POF1B: variants seen among roughly 807,000 people sequenced by gnomAD.
POF1B encodes protein POF1B.
In POF1B, 53 loss-of-function variants were observed where a neutral mutation model predicts 55.3. The observed-to-expected ratio is 0.96, with a 90% CI of 0.77 to 1.20. The LOEUF (loss-of-function observed/expected upper bound fraction) is 1.20, where lower values mean the gene tolerates loss of function less well. Ranked by LOEUF, POF1B falls within the 50% of genes most tolerant of loss-of-function variation. The probability of loss-of-function intolerance (pLI) is 0.00; values close to 1 mark genes in which losing one functional copy is unlikely to be tolerated. For synonymous variants in POF1B, 188 were observed against 148.3 expected, an observed-to-expected ratio of 1.27 and a Z score of -1.95; for missense variants, 478 against 420.5, an observed-to-expected ratio of 1.14 and a Z score of -1.20.
intron 3 of POF1B, among the ~76,000 whole-genome samples, chrX:85,362,247 C>T (rs760015120): frequency 5.4e-5 from 6 of 110,576 alleles, no homozygotes; most frequent in African/African-American, 2.0e-4. Flanking sequence ...CTTTCTCTTA[C>T]CTGTTTGCTC....
At chrX:85,284,112 G>A (rs894680590) in intron 15 of POF1B, among the ~76,000 whole-genome samples, 1 of 110,728 alleles carries the variant, frequency 9.0e-6, no homozygotes, top group Admixed American at 9.7e-5. Flanking sequence ...AGATGTGAAG[G>A]ACCTCTTCAA....
intron 15 of POF1B, among the ~76,000 whole-genome samples, chrX:85,290,002 G>A (rs959620888): frequency 3.6e-5 from 4 of 111,123 alleles, no homozygotes; most frequent in East Asian, 5.7e-4. Flanking sequence ...GAGTACAAGC[G>A]CAGGTTTGTT....
intron 4 of POF1B, among the ~76,000 whole-genome samples, chrX:85,358,584 A>G (rs1386027806): frequency 2.7e-5 from 3 of 111,485 alleles, no homozygotes; most frequent in Non-Finnish European, 5.7e-5. Context: ...CCTTAGATTA[A>G]ATGATGACAA....
intron 3 of POF1B, among the ~76,000 whole-genome samples, chrX:85,367,102 G>A (rs140904836): frequency 0.015 from 1,653 of 110,419 alleles, 35 homozygotes; most frequent in African/African-American, 0.052. Flanking sequence ...CAAACTTAGC[G>A]TGCTTTATGT....
intron 6 of POF1B, among the ~76,000 whole-genome samples, chrX:85,334,398 C>A (rs1008710701): frequency 1.8e-5 from 2 of 111,456 alleles, no homozygotes; most frequent in Non-Finnish European, 3.8e-5. Context: ...GGAAGGAATA[C>A]AGGCTGTGCT....
intron 15 of POF1B, among the ~76,000 whole-genome samples, chrX:85,288,097 A>C (rs764427535): frequency 2.7e-5 from 3 of 111,908 alleles, no homozygotes; most frequent in Non-Finnish European, 5.6e-5. Context: ...ATATTTTTTA[A>C]AAATTAATCA....
intron 4 of POF1B, among the ~76,000 whole-genome samples, chrX:85,352,144 G>A (rs1933403453): frequency 9.0e-6 from 1 of 110,983 alleles, no homozygotes; most frequent in Admixed American, 9.6e-5. Flanking sequence ...AAATCTGAAA[G>A]AAACTGGGGA....
At chrX:85,336,692 A>G (rs755127554) in intron 6 of POF1B, among the ~76,000 whole-genome samples, 28 of 111,433 alleles carry the variant, frequency 2.5e-4, no homozygotes, top group African/African-American at 8.8e-4. Flanking sequence ...AGCTCCTCAT[A>G]TATTCTGGTT....
intron 15 of POF1B, among the ~76,000 whole-genome samples, chrX:85,299,807 C>T (rs1932404513): frequency 8.9e-6 from 1 of 112,468 alleles, no homozygotes; most frequent in Non-Finnish European, 1.9e-5. Flanking sequence ...CGCGCCCGAC[C>T]CTTAAAACAA....
At chrX:85,328,818 A>G (rs1265115206) in intron 7 of POF1B, among the ~76,000 whole-genome samples, 1 of 108,300 alleles carries the variant, frequency 9.2e-6, no homozygotes. Context: ...GCCTGATACT[A>G]TACATTTAGT....
chrX:85,289,076 A>G (rs1932122595), intron 15 of POF1B, among the ~76,000 whole-genome samples: 1 of 111,406 alleles, frequency 9.0e-6, no homozygotes, highest in African/African-American at 3.3e-5. Flanking sequence ...AAAATGGCAG[A>G]ACAGCCTGAA....
intron 15 of POF1B, among the ~76,000 whole-genome samples, chrX:85,300,639 T>TA (rs1932424466): frequency 8.9e-6 from 1 of 111,796 alleles, no homozygotes; most frequent in Non-Finnish European, 1.9e-5. Context: ...ACGTTTTCAA[T>TA]AAAAAATTAT....
At chrX:85,350,033 T>A (rs1355916969) in intron 5 of POF1B, among the ~76,000 whole-genome samples, 1 of 110,776 alleles carries the variant, frequency 9.0e-6, no homozygotes, top group Non-Finnish European at 1.9e-5. Flanking sequence ...TTGCTGCAGT[T>A]TTTTTTATTA....
chrX:85,363,583 T>C lies in POF1B; in HGVS notation c.358-3953A>G, dbSNP rs1040171614. Among the ~76,000 whole-genome samples, 3 of 112,134 alleles carry C rather than the reference T, an allele frequency of 2.7e-5. No individual in the cohort carries two copies. The East Asian group carries it at 8.4e-4, about 31-fold the overall frequency. On this transcript the variant is annotated intron_variant, in intron 3 of 16. Coordinates refer to ENST00000262753, the MANE Select transcript of POF1B (RefSeq NM_024921.4). ...CAGCGATTTTTAAAACTTTGACTTC[T>C]ATTTTTATTGTGCTTTGGTCCAAGA...
chrX:85,343,774 T>C (rs1161505974), intron 6 of POF1B, among the ~76,000 whole-genome samples: 1 of 110,720 alleles, frequency 9.0e-6, no homozygotes, highest in Non-Finnish European at 1.9e-5. Flanking sequence ...ACCTTCCCTG[T>C]GGCAGACTCT....
At chrX:85,371,305 A>G (rs1933816297) in intron 2 of POF1B, among the ~76,000 whole-genome samples, 1 of 111,986 alleles carries the variant, frequency 8.9e-6, no homozygotes, top group Non-Finnish European at 1.9e-5. Flanking sequence ...AACAATTTCA[A>G]ATTTTTTAAA....
rs1932970865 is a variant in POF1B at position 85,331,068 on chromosome X, C to T, written c.735G>A (p.Gln245=). The change falls in exon 7 of 17, where the codon CAG becomes CAA. Residue 245 remains glutamine (Q), a synonymous_variant. Transcript: ENST00000262753. ...SSQICEQVII[Q]DDGPEKLDPR... Reference sequence around the variant, plus strand: ...GGTCCAATTTTTCAGGGCCATCATCCTGAATTATCACCTGAAGCAAACATC... The same window carrying T: ...GGTCCAATTTTTCAGGGCCATCATCTTGAATTATCACCTGAAGCAAACATC... The T allele has an allele frequency of 8.3e-7, 1 of 1,204,326 alleles. No homozygotes were observed. The highest frequency in any genetic ancestry group is 1.1e-6 in the Non-Finnish European group (1 of 892,012).
At chrX:85,356,403 A>G (rs1301706599) in intron 4 of POF1B, among the ~76,000 whole-genome samples, 1 of 109,902 alleles carries the variant, frequency 9.1e-6, no homozygotes, top group Non-Finnish European at 1.9e-5. Flanking sequence ...ACATGTATAC[A>G]TATGTAACAA....
intron 6 of POF1B, among the ~76,000 whole-genome samples, chrX:85,335,779 C>T (rs1933060920): frequency 9.1e-6 from 1 of 109,831 alleles, no homozygotes; most frequent in Non-Finnish European, 1.9e-5. Context: ...TACAGGCATG[C>T]AATATGTAAT....
Sources: gnomAD v4.1 joint callset for allele counts (sites outside exome capture counted in the v4.1 genomes callset) on GRCh38, gnomAD v4.1.1 for gene constraint, MANE v1.5 for transcripts, NCBI Gene and HGNC (gene_info 2026-07-23, HGNC 2026-07-21) for gene names.